ATXN1: variants seen among roughly 807,000 people sequenced by gnomAD.
The protein encoded by ATXN1 is ataxin 1.
A neutral mutation model predicts 56.4 loss-of-function variants in ATXN1; 8 were observed. The observed-to-expected ratio is 0.14, with a 90% CI of 0.08 to 0.26. The LOEUF (loss-of-function observed/expected upper bound fraction) is 0.26, where lower values mean the gene tolerates loss of function less well. Ranked by LOEUF, ATXN1 falls within the 10% of genes least tolerant of loss-of-function variation. The pLI is 1.00. For synonymous variants in ATXN1, 514 were observed against 494.6 expected, an observed-to-expected ratio of 1.04 and a Z score of -0.52; for missense variants, 987 against 1,106.5, an observed-to-expected ratio of 0.89 and a Z score of 1.53.
intron 6 of ATXN1, among the ~76,000 whole-genome samples, chr6:16,434,355 G>A (rs1000098057): frequency 6.6e-6 from 1 of 152,178 alleles, no homozygotes; most frequent in Non-Finnish European, 1.5e-5. Context: ...ATGGATGGGC[G>A]AGGAGGTGCT....
intron 4 of ATXN1, among the ~76,000 whole-genome samples, chr6:16,585,539 T>C (rs1385260703): frequency 6.6e-6 from 1 of 152,206 alleles, no homozygotes; most frequent in East Asian, 1.9e-4. Context: ...AGCAATGCCT[T>C]GTCATCTATC....
At chr6:16,439,027 C>G (rs912233028) in intron 6 of ATXN1, among the ~76,000 whole-genome samples, 9 of 151,802 alleles carry the variant, frequency 5.9e-5, no homozygotes, top group African/African-American at 1.9e-4. Flanking sequence ...CCAAAGTTAC[C>G]CTTTCATTAC....
chr6:16,365,428 T>A (rs774598012), intron 6 of ATXN1, among the ~76,000 whole-genome samples: 1 of 152,218 alleles, frequency 6.6e-6, no homozygotes, highest in Non-Finnish European at 1.5e-5. Flanking sequence ...TCCACCCACA[T>A]TGGCCTCCCA....
intron 6 of ATXN1, among the ~76,000 whole-genome samples, chr6:16,476,040 T>G (rs1581788251): frequency 6.6e-6 from 1 of 152,054 alleles, no homozygotes; most frequent in Non-Finnish European, 1.5e-5. Flanking sequence ...CAGCTAATTT[T>G]ATATATATTT....
chr6:16,357,941 T>G (rs1373526377), intron 6 of ATXN1, among the ~76,000 whole-genome samples: 1 of 151,968 alleles, frequency 6.6e-6, no homozygotes, highest in African/African-American at 2.4e-5. Flanking sequence ...GGCTCTAAGA[T>G]AAACATACAG....
chr6:16,547,835 T>A (rs1761843224), intron 4 of ATXN1, among the ~76,000 whole-genome samples: 1 of 152,226 alleles, frequency 6.6e-6, no homozygotes, highest in African/African-American at 2.4e-5. Flanking sequence ...TAACCTCATC[T>A]GAACTTGGTC....
chr6:16,645,561 C>T (rs1376426183), intron 3 of ATXN1, among the ~76,000 whole-genome samples: 2 of 152,146 alleles, frequency 1.3e-5, no homozygotes, highest in African/African-American at 4.8e-5. Flanking sequence ...TGGCCGACTA[C>T]AGACCAAGGG....
rs183642348 is a variant in ATXN1, at chr6:16,458,952, T to C, written c.-161+27020A>G. 1.4e-4 allele frequency among the ~76,000 whole-genome samples: 21 copies of C among 152,312 alleles called. No homozygotes were observed. The East Asian group carries it at 2.7e-3, about 20-fold the overall frequency. On this transcript the variant is annotated intron_variant, in intron 6 of 7. Coordinates refer to ENST00000436367, the MANE Select transcript of ATXN1 (RefSeq NM_001128164.2). ...AGTTTAGCCATTGAGGGCCAGGAAA[T>C]TGACTTCCTCCTGGACACTGGCATG...
intron 4 of ATXN1, among the ~76,000 whole-genome samples, chr6:16,534,909 A>G (rs1270794990): frequency 6.6e-6 from 1 of 152,222 alleles, no homozygotes; most frequent in Non-Finnish European, 1.5e-5. Flanking sequence ...GATTTTCTAC[A>G]GCACTTCTCT....
intron 6 of ATXN1, among the ~76,000 whole-genome samples, chr6:16,462,734 C>T (rs934728969): frequency 2.6e-5 from 4 of 152,182 alleles, no homozygotes; most frequent in African/African-American, 4.8e-5. Context: ...ATGCATCCAA[C>T]GCAACCTGTT....
At chr6:16,431,289 A>G (rs777881335) in intron 6 of ATXN1, among the ~76,000 whole-genome samples, 1 of 152,164 alleles carries the variant, frequency 6.6e-6, no homozygotes, top group Non-Finnish European at 1.5e-5. Context: ...AATACCACCA[A>G]TTGAGAGAAC....
At chr6:16,560,260 T>C (rs932125447) in intron 4 of ATXN1, among the ~76,000 whole-genome samples, 2 of 151,700 alleles carry the variant, frequency 1.3e-5, no homozygotes, top group African/African-American at 4.8e-5. Context: ...TGAAACCCCG[T>C]CTCTACTAAA....
At chr6:16,351,547 C>A (rs1459163468) in intron 6 of ATXN1, among the ~76,000 whole-genome samples, 1 of 152,124 alleles carries the variant, frequency 6.6e-6, no homozygotes. Flanking sequence ...GGACTACAGG[C>A]GCATGCCACC....
intron 4 of ATXN1, among the ~76,000 whole-genome samples, chr6:16,583,844 T>C (rs1407235012): frequency 6.6e-6 from 1 of 152,106 alleles, no homozygotes; most frequent in African/African-American, 2.4e-5. Flanking sequence ...TTTTTGTAGA[T>C]ACTAGAGGAG....
chr6:16,464,621 AC>A (rs1389176274), intron 6 of ATXN1, among the ~76,000 whole-genome samples: 1 of 152,280 alleles, frequency 6.6e-6, no homozygotes, highest in East Asian at 1.9e-4. Context: ...CCAACTCCAG[AC>A]ACAAAAAGAC....
intron 2 of ATXN1, among the ~76,000 whole-genome samples, chr6:16,741,324 G>A (rs1258828095): frequency 6.6e-6 from 1 of 152,184 alleles, no homozygotes; most frequent in Non-Finnish European, 1.5e-5. Flanking sequence ...TTTAAAGGCT[G>A]TAGTTACTAA....
chr6:16,437,420 T>C (rs936096272), intron 6 of ATXN1, among the ~76,000 whole-genome samples: 6 of 152,168 alleles, frequency 3.9e-5, no homozygotes, highest in African/African-American at 1.4e-4. Context: ...GCGGCACAGG[T>C]GCACAGCAGA....
chr6:16,350,262 G>A lies in ATXN1; in HGVS notation c.-160-21792C>T, dbSNP rs1761538011. On this transcript the variant is annotated intron_variant, in intron 6 of 7. Coordinates refer to ENST00000436367, the MANE Select transcript of ATXN1 (RefSeq NM_001128164.2). ...GCCTCAGTTTCCTCATCTGGAATAT[G>A]TGAATGATGATAATACGTTTTCAAA... is the stretch of plus-strand genomic sequence containing the variant. 2.0e-5 allele frequency among the ~76,000 whole-genome samples: 3 copies of A among 152,210 alleles called. No individual in the cohort carries two copies. In the South Asian group the frequency reaches 6.2e-4, roughly 32 times the overall value.
intron 4 of ATXN1, among the ~76,000 whole-genome samples, chr6:16,534,350 T>C (rs1761557239): frequency 6.6e-6 from 1 of 151,460 alleles, no homozygotes. Context: ...GTTAGAGAAT[T>C]CAAAGCACCA....
Sources: allele counts gnomAD v4.1 joint callset (sites outside exome capture counted in the v4.1 genomes callset), GRCh38; gene constraint gnomAD v4.1.1; transcripts MANE v1.5; gene names NCBI Gene and HGNC (gene_info 2026-07-23, HGNC 2026-07-21).